The following HERC2 variants were observed in gnomAD, a reference collection of about 807,000 sequenced individuals.
The protein encoded by HERC2 is HECT and RLD domain containing E3 ubiquitin protein ligase 2.
Under a neutral mutation model 537.7 loss-of-function variants are expected in HERC2, and 102 were observed. The observed-to-expected ratio is 0.19, with a 90% CI of 0.16 to 0.22. The LOEUF (loss-of-function observed/expected upper bound fraction) is 0.22, where lower values mean the gene tolerates loss of function less well. HERC2 is among the 10% of genes least tolerant of loss of function. The pLI is 1.00. For synonymous variants in HERC2, 2,224 were observed against 2,466.2 expected (o/e 0.90, Z 2.91); for missense variants, 4,236 against 6,198.2 (o/e 0.68, Z 10.63).
At chr15:28,272,025 G>A (rs2075743419) in intron 9 of HERC2, 190 bp downstream of exon 9, 1 of 583,948 alleles carries the variant, frequency 1.7e-6, no homozygotes, top group Non-Finnish European at 3.0e-6. Context: ...AAGGAAGTCA[G>A]TGCTCACTGA....
At chr15:28,196,423 G>A (rs535874157) in intron 51 of HERC2, 38 bp downstream of exon 51, 23 of 1,568,386 alleles carry the variant, frequency 1.5e-5, no homozygotes, top group Admixed American at 1.2e-4. Context: ...AAAACCATTC[G>A]TCCCAAAGCA....
Position 28,175,625 on chromosome 15 carries a change from C to T in HERC2, c.9718G>A (p.Gly3240Ser), listed in dbSNP as rs1305085139. ...GKGDYFRLGH[G>S]SDVHVRKPQV... The stretch of plus-strand genomic sequence containing the variant: ...GGTTTCCGCACGTGCACGTCAGAGC[C>T]GTGGCCCAATCTGAAGTAATCCCCC... Residue 3240 changes from glycine to serine, a missense_variant, in exon 64 of 93, where the codon GGC becomes AGC. Coordinates refer to ENST00000261609, the MANE Select transcript of HERC2 (RefSeq NM_004667.6). The T allele has an allele frequency of 1.3e-5, 21 of 1,614,150 alleles. No individual in the cohort carries two copies. Among genetic ancestry groups the T allele is most frequent in the Non-Finnish European group, 1.7e-5 (20 of 1,180,020 alleles).
rs8027911 is a variant in HERC2 at position 28,241,425 on chromosome 15, A to G, written c.3578-2653T>C. Among the ~76,000 whole-genome samples, 316 of 152,248 alleles carry G rather than the reference A, an allele frequency of 2.1e-3. 1 individual carries two copies. The highest frequency in any genetic ancestry group is 7.2e-3 in the African/African-American group (299 of 41,544). ...TGCACACTACTGACAGGAACATAAA[A>G]TGGTGCAGCCACTCCGAAAAACACT... On this transcript the variant is annotated intron_variant, in intron 23 of 92. Transcript: ENST00000261609.
chr15:28,254,074 A>C lies in HERC2; in HGVS notation c.3050+266T>G, dbSNP rs141460418. ...CAAGGCGGGCGGATCACCTGAGGTC[A>C]GGAGTTCAAGACAAGCCTGACCACC... On this transcript the variant is annotated intron_variant, in intron 20 of 92. Coordinates refer to ENST00000261609, the MANE Select transcript of HERC2 (RefSeq NM_004667.6). 9.5e-3 allele frequency among the ~76,000 whole-genome samples: 1,447 copies of C among 152,334 alleles called. 12 individuals carry two copies. Among genetic ancestry groups the C allele is most frequent in the Middle Eastern group, 0.031 (9 of 294 alleles).
chr15:28,141,726 A>G lies in HERC2; in HGVS notation c.11816+5T>C. ...GACATTACTGCTTGTTTCTAATATA[A>G]TAACCTGTTCATCCACTGCACAAGT... On this transcript the variant is annotated splice_donor_5th_base_variant and intron_variant, in intron 77 of 92. Transcript: ENST00000261609. 6.2e-7 allele frequency: 1 copy of G among 1,613,142 alleles called. No homozygotes were observed. Among genetic ancestry groups the G allele is most frequent in the Non-Finnish European group, 8.5e-7 (1 of 1,179,116 alleles).
intron 2 of HERC2, among the ~76,000 whole-genome samples, chr15:28,313,209 T>C (rs866945141): frequency 0.012 from 1,653 of 143,076 alleles, 3 homozygotes; most frequent in African/African-American, 0.042. Flanking sequence ...TTTTTTTTTT[T>C]TTGAGACAGA....
intron 2 of HERC2, 32 bp from the exon 3 acceptor site, chr15:28,299,548 G>A (rs907292650): frequency 2.6e-6 from 3 of 1,151,440 alleles, no homozygotes; most frequent in African/African-American, 1.5e-5. Context: ...AGCTTACAGA[G>A]TGCTCACACT....
intron 2 of HERC2, among the ~76,000 whole-genome samples, chr15:28,302,855 TAG>T (rs1477058218): frequency 6.6e-6 from 1 of 152,202 alleles, no homozygotes; most frequent in African/African-American, 2.4e-5. Flanking sequence ...ATTGGATTAT[TAG>T]ATTTTTTTCT....
intron 7 of HERC2, 148 bp from the exon 8 acceptor site, chr15:28,273,152 A>G (rs2075784589): frequency 1.5e-6 from 1 of 661,560 alleles, no homozygotes; most frequent in Non-Finnish European, 2.7e-6. Context: ...CTTGCTACTC[A>G]AATTTATTCA....
At chr15:28,191,439 C>G (rs1405088456) in intron 53 of HERC2, among the ~76,000 whole-genome samples, 195 bp from the exon 54 acceptor site, 1 of 152,132 alleles carries the variant, frequency 6.6e-6, no homozygotes, top group Non-Finnish European at 1.5e-5. Flanking sequence ...AGAAAAGTCT[C>G]ACTCTAAGAC....
intron 68 of HERC2, among the ~76,000 whole-genome samples, chr15:28,165,315 A>G (rs776224278): frequency 5.3e-5 from 8 of 152,234 alleles, no homozygotes; most frequent in Admixed American, 1.3e-4. Flanking sequence ...GAGGTTGGTT[A>G]TCTAAGGGGA....
intron 2 of HERC2, among the ~76,000 whole-genome samples, chr15:28,308,829 G>A (rs1002453638): frequency 4.6e-5 from 7 of 152,178 alleles, no homozygotes; most frequent in Non-Finnish European, 4.4e-5. Flanking sequence ...TCCTTCTGTT[G>A]ACATGATGTA....
At chr15:28,152,457 G>A (rs1292286688) in intron 70 of HERC2, among the ~76,000 whole-genome samples, 1 of 152,186 alleles carries the variant, frequency 6.6e-6, no homozygotes, top group Non-Finnish European at 1.5e-5. Context: ...GCATCTGCCT[G>A]ATTATCATGA....
intron 18 of HERC2, 29 bp from the exon 19 acceptor site, chr15:28,256,025 G>A: frequency 6.2e-7 from 1 of 1,605,144 alleles, no homozygotes; most frequent in Non-Finnish European, 8.5e-7. Flanking sequence ...GCCAATTTGA[G>A]TGAAACGCCA....
At chr15:28,254,597 C>T in intron 19 of HERC2, 79 bp from the exon 20 acceptor site, 1 of 925,748 alleles carries the variant, frequency 1.1e-6, no homozygotes. Context: ...TGAGCCCTAA[C>T]CCCAGTGCCA....
chr15:28,220,844 G>C (rs1156918682), intron 36 of HERC2, among the ~76,000 whole-genome samples, 200 bp from the exon 37 acceptor site: 120 of 137,794 alleles, frequency 8.7e-4, no homozygotes, highest in African/African-American at 2.0e-3. Context: ...AGGAGGGTGC[G>C]TGCCCTGCCC....
At position 28,113,198 on chromosome 15, in the gene HERC2, T is replaced by C. The variant is rs1887840109; in HGVS notation, c.14105A>G (p.Gln4702Arg). The stretch of plus-strand genomic sequence containing the variant: ...GGACTCCATCACCTCCCAGAACCAC[T>C]GGATCAGCGATGCGGAAGGCTCGAT... ...KGIEPSASLIQWFWEVMESFS... is the reference protein window; with the variant it reads ...KGIEPSASLIRWFWEVMESFS... Residue 4702 changes from glutamine (Q) to arginine (R), a missense_variant, in exon 92 of 93, where the codon CAG becomes CGG. Coordinates refer to ENST00000261609, the MANE Select transcript of HERC2 (RefSeq NM_004667.6). The surrounding 1 kb of genome is among the most constrained non-coding windows in gnomAD (Gnocchi z 7.0). The C allele has an allele frequency of 1.9e-6, 3 of 1,613,958 alleles. No individual in the cohort carries two copies. Among genetic ancestry groups the C allele is most frequent in the Non-Finnish European group, 1.7e-6 (2 of 1,180,028 alleles).
chr15:28,132,873 C>T, intron 79 of HERC2, 43 bp from the exon 80 acceptor site: 1 of 1,447,296 alleles, frequency 6.9e-7, no homozygotes, highest in Non-Finnish European at 9.2e-7. Flanking sequence ...CATTTTTATT[C>T]TTAAACATTT....
intron 44 of HERC2, among the ~76,000 whole-genome samples, chr15:28,209,848 C>A (rs1433248523): frequency 1.4e-5 from 2 of 145,686 alleles, no homozygotes; most frequent in Non-Finnish European, 3.0e-5. Context: ...TATGGATACA[C>A]AACATAAGAA....
Sources: allele counts gnomAD v4.1 joint callset (sites outside exome capture counted in the v4.1 genomes callset), GRCh38; gene constraint gnomAD v4.1.1; non-coding constraint Gnocchi (gnomAD v3.1); transcripts MANE v1.5; gene names NCBI Gene and HGNC (gene_info 2026-07-23, HGNC 2026-07-21).